The following DRC11 variants were observed in gnomAD, a reference collection of about 807,000 sequenced individuals.
DRC11 encodes the protein IQ and AAA domain-containing protein 1.
chr2:236,328,502 C>T, the DRC11 span, among the ~76,000 whole-genome samples: 1 of 152,050 alleles, frequency 6.6e-6, no homozygotes, highest in African/African-American at 2.4e-5. This position sits in a 1 kb window ranked among gnomAD's most constrained non-coding sequence, Gnocchi z 6.7. Flanking sequence ...ATAAAGTGTT[C>T]CAACTTTGTG....
chr2:236,487,887 C>G, the DRC11 span: 4 of 588,742 alleles, frequency 6.8e-6, no homozygotes, highest in African/African-American at 1.9e-5. Context: ...TAATCTAGTT[C>G]TATTAAGGGT....
chr2:236,353,518 C>T, the DRC11 span, among the ~76,000 whole-genome samples: 1 of 152,130 alleles, frequency 6.6e-6, no homozygotes, highest in African/African-American at 2.4e-5. The surrounding 1 kb of genome is among the most constrained non-coding windows in gnomAD (Gnocchi z 5.0). Context: ...AGATGCTCTG[C>T]CCAGATGACC....
the DRC11 span, among the ~76,000 whole-genome samples, chr2:236,448,634 C>T: frequency 1.3e-5 from 2 of 151,742 alleles, no homozygotes; most frequent in African/African-American, 4.8e-5. The surrounding 1 kb of genome is among the most constrained non-coding windows in gnomAD (Gnocchi z 5.3). Flanking sequence ...CCATGCCTGG[C>T]TGTATTTATT....
At chr2:236,392,755 A>G in the DRC11 span, among the ~76,000 whole-genome samples, 1 of 152,182 alleles carries the variant, frequency 6.6e-6, no homozygotes, top group Non-Finnish European at 1.5e-5. The surrounding 1 kb of genome is among the most constrained non-coding windows in gnomAD (Gnocchi z 5.1). Flanking sequence ...CTAAAATACG[A>G]AAGATTTTGT....
the DRC11 span, among the ~76,000 whole-genome samples, chr2:236,379,171 CAG>C: frequency 2.0e-5 from 3 of 152,220 alleles, no homozygotes; most frequent in African/African-American, 4.8e-5. Flanking sequence ...TTCCCTCCAA[CAG>C]AGTTTGGGGA....
the DRC11 span, among the ~76,000 whole-genome samples, chr2:236,467,672 G>A: frequency 8.5e-5 from 13 of 152,158 alleles, no homozygotes; most frequent in Admixed American, 8.5e-4. Context: ...GTAAAGAAAT[G>A]TCCAAGGGTA....
At chr2:236,336,300 C>T in the DRC11 span, among the ~76,000 whole-genome samples, 2 of 152,146 alleles carry the variant, frequency 1.3e-5, no homozygotes, top group African/African-American at 2.4e-5. This position sits in a 1 kb window ranked among gnomAD's most constrained non-coding sequence, Gnocchi z 7.3. Flanking sequence ...CAGCAACTTA[C>T]GAACAGCCAG....
chr2:236,496,537 A>T, the DRC11 span, among the ~76,000 whole-genome samples: 1 of 152,194 alleles, frequency 6.6e-6, no homozygotes, highest in Admixed American at 6.5e-5. The surrounding 1 kb of genome is among the most constrained non-coding windows in gnomAD (Gnocchi z 6.3). Context: ...GTCGGAGGGC[A>T]GCAGCAGGGG....
At chr2:236,454,618 T>C in the DRC11 span, 8 of 152,234 alleles carry the variant, frequency 5.3e-5, no homozygotes. The surrounding 1 kb of genome is among the most constrained non-coding windows in gnomAD (Gnocchi z 5.3). Flanking sequence ...ACCTCTTTTT[T>C]CATGCTGAAA....
the DRC11 span, among the ~76,000 whole-genome samples, chr2:236,316,094 C>G: frequency 6.6e-6 from 1 of 152,196 alleles, no homozygotes; most frequent in South Asian, 2.1e-4. This position sits in a 1 kb window ranked among gnomAD's most constrained non-coding sequence, Gnocchi z 6.8. Flanking sequence ...ACTGTAACCA[C>G]AAAGACAAAG....
the DRC11 span, among the ~76,000 whole-genome samples, chr2:236,425,683 G>A: frequency 2.0e-5 from 3 of 151,880 alleles, no homozygotes; most frequent in Non-Finnish European, 2.9e-5. Context: ...CTGTGCTTTT[G>A]GGGTCATATC....
the DRC11 span, among the ~76,000 whole-genome samples, chr2:236,438,715 G>A: frequency 2.6e-5 from 4 of 151,926 alleles, no homozygotes; most frequent in Non-Finnish European, 4.4e-5. Flanking sequence ...GCACCAAGCG[G>A]ACCTAATAGA....
the DRC11 span, among the ~76,000 whole-genome samples, chr2:236,456,225 C>T: frequency 6.6e-6 from 1 of 152,154 alleles, no homozygotes; most frequent in Non-Finnish European, 1.5e-5. The surrounding 1 kb of genome is among the most constrained non-coding windows in gnomAD (Gnocchi z 5.4). Flanking sequence ...TTTATACTTA[C>T]AAATCTATAT....
At chr2:236,414,488 GCTT>G in the DRC11 span, among the ~76,000 whole-genome samples, 1 of 151,994 alleles carries the variant, frequency 6.6e-6, no homozygotes, top group African/African-American at 2.4e-5. Context: ...TATTTATTGC[GCTT>G]CTTTTTTTGT....
the DRC11 span, among the ~76,000 whole-genome samples, chr2:236,329,456 C>T: frequency 6.6e-6 from 1 of 152,216 alleles, no homozygotes; most frequent in Non-Finnish European, 1.5e-5. Context: ...ATTAGACTTA[C>T]TATCATCGTT....
the DRC11 span, chr2:236,368,989 C>T: frequency 2.0e-5 from 3 of 152,146 alleles, no homozygotes; most frequent in Non-Finnish European, 2.9e-5. Flanking sequence ...GATAAGGTCA[C>T]CAAGAAAATT....
At chr2:236,395,692 A>T in the DRC11 span, among the ~76,000 whole-genome samples, 1 of 152,228 alleles carries the variant, frequency 6.6e-6, no homozygotes, top group African/African-American at 2.4e-5. Flanking sequence ...TTAAAATTGT[A>T]AGCATTCTCC....
chr2:236,324,555 C>T, the DRC11 span: 2 of 615,144 alleles, frequency 3.3e-6, no homozygotes, highest in Non-Finnish European at 5.8e-6. The surrounding 1 kb of genome is among the most constrained non-coding windows in gnomAD (Gnocchi z 5.7). Context: ...AGTTCCTTCC[C>T]CTGAGGGCTT....
chr2:236,345,319 C>G, the DRC11 span, among the ~76,000 whole-genome samples: 7 of 152,194 alleles, frequency 4.6e-5, no homozygotes, highest in East Asian at 5.8e-4. Context: ...AGTCCCCACC[C>G]CCCCCAACCG....
Sources: gnomAD v4.1 joint callset for allele counts (sites outside exome capture counted in the v4.1 genomes callset) on GRCh38, gnomAD v4.1.1 for gene constraint, Gnocchi (gnomAD v3.1) non-coding constraint, MANE v1.5 for transcripts, NCBI Gene and HGNC (gene_info 2026-07-23, HGNC 2026-07-21) for gene names.